The following TMEM132D variants were observed in gnomAD, a reference collection of about 807,000 sequenced individuals.
The protein encoded by TMEM132D is transmembrane protein 132D.
In TMEM132D, 21 loss-of-function variants were observed where a neutral mutation model predicts 62.3. The observed-to-expected ratio is 0.34, with a 90% CI of 0.24 to 0.49. The LOEUF is 0.49. TMEM132D is among the 20% of genes least tolerant of loss of function. The pLI is 0.99. For missense variants in TMEM132D, 1,346 were observed against 1,402.8 expected, an observed-to-expected ratio of 0.96 and a Z score of 0.65; for synonymous variants, 621 against 575.6, an observed-to-expected ratio of 1.08 and a Z score of -1.13.
intron 5 of TMEM132D, among the ~76,000 whole-genome samples, chr12:129,203,149 C>T (rs756734284): frequency 2.6e-5 from 4 of 152,118 alleles, no homozygotes; most frequent in Non-Finnish European, 5.9e-5. Context: ...TAGCCAACAC[C>T]GCAAACCATG....
At chr12:129,084,911 G>A (rs1003306572) in intron 5 of TMEM132D, 1 of 569,192 alleles carries the variant, frequency 1.8e-6, no homozygotes, top group African/African-American at 1.9e-5. Context: ...GGTGCTCTCT[G>A]AGTACCCAGG....
intron 4 of TMEM132D, among the ~76,000 whole-genome samples, chr12:129,256,679 C>T (rs2135593275): frequency 6.6e-6 from 1 of 152,254 alleles, no homozygotes; most frequent in East Asian, 1.9e-4. Flanking sequence ...GCCTCAGCCT[C>T]CCAAAGTGCT....
At chr12:129,536,120 A>C (rs1876379896) in intron 2 of TMEM132D, among the ~76,000 whole-genome samples, 1 of 152,206 alleles carries the variant, frequency 6.6e-6, no homozygotes, top group Non-Finnish European at 1.5e-5. Flanking sequence ...ATTTGTCTAC[A>C]TGTGTCTCCC....
At chr12:129,359,870 T>A (rs930539185) in intron 3 of TMEM132D, among the ~76,000 whole-genome samples, 5 of 151,858 alleles carry the variant, frequency 3.3e-5, no homozygotes, top group African/African-American at 9.7e-5. Context: ...GAATAAAAAT[T>A]GCCATAAGGA....
At chr12:129,188,113 C>T (rs1171943869) in intron 5 of TMEM132D, among the ~76,000 whole-genome samples, 1 of 152,238 alleles carries the variant, frequency 6.6e-6, no homozygotes, top group East Asian at 1.9e-4. Flanking sequence ...CTTCTTCCAA[C>T]AAGAGTTGAA....
intron 1 of TMEM132D, among the ~76,000 whole-genome samples, chr12:129,807,548 T>A (rs1348271588): frequency 2.6e-5 from 4 of 152,236 alleles, no homozygotes; most frequent in Non-Finnish European, 5.9e-5. Flanking sequence ...CTCTCTAAGA[T>A]GCTCATGTAT....
intron 1 of TMEM132D, among the ~76,000 whole-genome samples, chr12:129,785,848 A>G (rs907675331): frequency 6.6e-6 from 1 of 152,244 alleles, no homozygotes; most frequent in Non-Finnish European, 1.5e-5. Context: ...TCTTGTGGTC[A>G]GTATTTAAGC....
chr12:129,764,987 C>CT (rs1197073927), intron 1 of TMEM132D, among the ~76,000 whole-genome samples: 9 of 152,186 alleles, frequency 5.9e-5, no homozygotes, highest in African/African-American at 1.9e-4. Flanking sequence ...GAAAAATGCC[C>CT]TATTTGTTCA....
In TMEM132D at chr12:129,236,522, A is replaced by AAG. The variant is rs1215716631; in HGVS notation, c.1300-26860_1300-26859insCT. The stretch of plus-strand genomic sequence containing the variant: ...GGAGTGAGACTCCATCTCAAAAAAA[A>AAG]AAAAAAAAAGAAAAAAAAAAGAAAA... On this transcript the variant is annotated intron_variant, in intron 4 of 8. Transcript: ENST00000422113. Among the ~76,000 whole-genome samples the AAG allele has an allele frequency of 2.3e-3, 338 of 148,940 alleles. 1 individual carries two copies. The highest frequency in any genetic ancestry group is 7.5e-3 in the African/African-American group (291 of 38,872).
At chr12:129,441,468 G>A (rs1050816985) in intron 3 of TMEM132D, among the ~76,000 whole-genome samples, 7 of 152,168 alleles carry the variant, frequency 4.6e-5, no homozygotes, top group South Asian at 2.1e-4. Context: ...AGACGCCTGC[G>A]AGGAGCTGAA....
At chr12:129,331,249 T>G (rs74614915) in intron 4 of TMEM132D, among the ~76,000 whole-genome samples, 2,582 of 152,330 alleles carry the variant, frequency 0.017, 65 homozygotes, top group African/African-American at 0.059. Flanking sequence ...GATTCTTCAC[T>G]TTTGTTTAAG....
At chr12:129,209,800 C>A in intron 4 of TMEM132D, 137 bp from the exon 5 acceptor site, 2 of 1,246,634 alleles carry the variant, frequency 1.6e-6, no homozygotes, top group Non-Finnish European at 2.2e-6. Flanking sequence ...CCTGGCAGTC[C>A]GCACCAGCTG....
chr12:129,179,873 C>T (rs1050832052), intron 5 of TMEM132D, among the ~76,000 whole-genome samples: 1 of 151,844 alleles, frequency 6.6e-6, no homozygotes, highest in African/African-American at 2.4e-5. Context: ...ACTAAAAATA[C>T]AAAAATTAGC....
chr12:129,339,558 C>T (rs531352756), intron 3 of TMEM132D, among the ~76,000 whole-genome samples: 11 of 152,280 alleles, frequency 7.2e-5, no homozygotes, highest in Middle Eastern at 3.4e-3. Context: ...CCCTAGGCCA[C>T]GGTGGGCTTT....
chr12:129,544,036 G>A lies in TMEM132D; in HGVS notation c.969-12831C>T, dbSNP rs185309416. Among the ~76,000 whole-genome samples, 4 of 152,300 alleles carry A rather than the reference G, an allele frequency of 2.6e-5. No individual in the cohort carries two copies. The East Asian group carries it at 7.7e-4, about 29-fold the overall frequency. On this transcript the variant is annotated intron_variant, in intron 2 of 8. Coordinates refer to ENST00000422113, the MANE Select transcript of TMEM132D (RefSeq NM_133448.3). The stretch of plus-strand genomic sequence containing the variant: ...TTGCCAAGTCAAAAGAGATGCATGT[G>A]CTCAATTTGTATAGAACTTGCGAAA...
intron 3 of TMEM132D, among the ~76,000 whole-genome samples, chr12:129,374,835 G>T (rs1258689862): frequency 1.3e-5 from 2 of 152,214 alleles, no homozygotes; most frequent in Non-Finnish European, 2.9e-5. Flanking sequence ...TATGGTGGCA[G>T]TGACTTCGAA....
intron 1 of TMEM132D, among the ~76,000 whole-genome samples, chr12:129,783,143 T>C (rs78402947): frequency 0.024 from 3,603 of 152,280 alleles, 121 homozygotes; most frequent in East Asian, 0.15. Flanking sequence ...ATTTCAACAT[T>C]AATGCAAGTG....
chr12:129,756,671 T>A (rs1870179616), intron 1 of TMEM132D, among the ~76,000 whole-genome samples: 1 of 152,194 alleles, frequency 6.6e-6, no homozygotes, highest in Admixed American at 6.5e-5. Context: ...TTAGTTAAGG[T>A]GGTAAATTAT....
intron 5 of TMEM132D, among the ~76,000 whole-genome samples, chr12:129,107,331 A>T (rs986436383): frequency 1.3e-5 from 2 of 152,242 alleles, no homozygotes; most frequent in Admixed American, 1.3e-4. Context: ...CGTACATACA[A>T]GGTAATTTTA....
Sources: gnomAD v4.1 joint callset for allele counts (sites outside exome capture counted in the v4.1 genomes callset) on GRCh38, gnomAD v4.1.1 for gene constraint, MANE v1.5 for transcripts, NCBI Gene and HGNC (gene_info 2026-07-23, HGNC 2026-07-21) for gene names.